Variants in SOCS2 observed in about 807,000 individuals in gnomAD.
The protein encoded by SOCS2 is CIS-2.
SOCS2 carries 10 observed loss-of-function variants against 18.6 expected under a neutral mutation model. That is an observed-to-expected ratio of 0.54 (90% CI 0.33 to 0.91). The LOEUF (loss-of-function observed/expected upper bound fraction) is 0.91, where lower values mean the gene tolerates loss of function less well. Among genes scored for constraint, SOCS2 ranks in the 40% least tolerant of loss-of-function variants. The probability of loss-of-function intolerance (pLI) is 0.02; values close to 1 mark genes in which losing one functional copy is unlikely to be tolerated. For synonymous variants in SOCS2, 104 were observed against 104.0 expected (o/e 1.00, Z 0.00); for missense variants, 231 against 247.2 (o/e 0.93, Z 0.44).
the SOCS2 span, among the ~76,000 whole-genome samples, chr12:93,597,768 A>G: frequency 6.6e-6 from 1 of 152,306 alleles, no homozygotes; most frequent in Admixed American, 6.5e-5. Context: ...TTGCTGATTT[A>G]TTTTAAGGCA....
chr12:93,591,335 C>T, the SOCS2 span, among the ~76,000 whole-genome samples: 6 of 150,424 alleles, frequency 4.0e-5, no homozygotes, highest in East Asian at 1.2e-3. Context: ...ATACAAGGAA[C>T]GGAAATGAAT....
the SOCS2 span, among the ~76,000 whole-genome samples, chr12:93,599,171 C>CTT: frequency 0.03 from 3,622 of 122,222 alleles, 284 homozygotes; most frequent in African/African-American, 0.088. Context: ...TGCTGTTTGT[C>CTT]TTTTTTTTTT....
downstream of SOCS2, among the ~76,000 whole-genome samples, chr12:93,579,783 A>AG (rs1954513435): frequency 6.6e-6 from 1 of 152,204 alleles, no homozygotes; most frequent in Non-Finnish European, 1.5e-5. Context: ...CATGGAGCAG[A>AG]GCTGGCTTTT....
the SOCS2 span, among the ~76,000 whole-genome samples, chr12:93,596,326 T>C: frequency 1.3e-5 from 2 of 152,352 alleles, no homozygotes; most frequent in Admixed American, 1.3e-4. Flanking sequence ...AAGGTTAAAG[T>C]AGAAAGGCAT....
Position 93,572,693 on chromosome 12 carries a change from T to TG in SOCS2, c.-202dup. 1 of 751,986 alleles carries TG rather than the reference T, an allele frequency of 1.3e-6. No individual in the cohort carries two copies. The highest frequency in any genetic ancestry group is 2.3e-6 in the Non-Finnish European group (1 of 431,634). The allele number at this position is 751,986 out of a possible 1,614,324, so 46.6% of individuals were successfully genotyped here. On this transcript the variant is annotated 5_prime_UTR_variant, in exon 1 of 2. Transcript: ENST00000551556. This position sits in a 1 kb window ranked among gnomAD's most constrained non-coding sequence, Gnocchi z 5.0. The stretch of plus-strand genomic sequence containing the variant: ...CCGCTTTCTCTTTGTAGGCGATCAG[T>TG]GGGTGACCGCGGCTGCGAGGGACTT...
downstream of SOCS2, chr12:93,583,621 T>C (rs1239973499): frequency 1.3e-5 from 2 of 152,158 alleles, no homozygotes; most frequent in African/African-American, 2.4e-5. Flanking sequence ...AGGTGCATCA[T>C]TGAGCCTGGG....
chr12:93,603,397 C>T, the SOCS2 span, among the ~76,000 whole-genome samples: 1 of 152,166 alleles, frequency 6.6e-6, no homozygotes, highest in African/African-American at 2.4e-5. Flanking sequence ...TGCCTCAAGT[C>T]ACACAGCCCT....
the SOCS2 span, among the ~76,000 whole-genome samples, chr12:93,608,215 G>T: frequency 6.6e-6 from 1 of 151,378 alleles, no homozygotes; most frequent in African/African-American, 2.4e-5. Flanking sequence ...TGGCCAGGCT[G>T]GTCTCGAACT....
At chr12:93,596,945 A>G in the SOCS2 span, among the ~76,000 whole-genome samples, 2 of 152,220 alleles carry the variant, frequency 1.3e-5, no homozygotes, top group Non-Finnish European at 2.9e-5. Context: ...CATCTGTAAA[A>G]TAGAAGTATT....
At chr12:93,573,717 G>A (rs1232662871) in intron 1 of SOCS2, 2 of 152,350 alleles carry the variant, frequency 1.3e-5, no homozygotes, top group Non-Finnish European at 2.9e-5. Flanking sequence ...GCTTACAGTT[G>A]TGGCACAGTT....
At chr12:93,596,656 C>G in the SOCS2 span, among the ~76,000 whole-genome samples, 2 of 152,134 alleles carry the variant, frequency 1.3e-5, no homozygotes, top group African/African-American at 4.8e-5. Flanking sequence ...GGCAAAACTC[C>G]GTCTCTACTA....
Position 93,575,198 on chromosome 12 carries a change from A to T in SOCS2, c.*19A>T. 1 of 1,497,074 alleles carries T rather than the reference A, an allele frequency of 6.7e-7. No individual in the cohort carries two copies. Among genetic ancestry groups the T allele is most frequent in the Non-Finnish European group, 8.9e-7 (1 of 1,117,452 alleles). 92.7% of individuals were successfully genotyped at this position (1,497,074 alleles called of 1,614,324 possible). On this transcript the variant is annotated 3_prime_UTR_variant, in exon 2 of 2. Transcript: ENST00000551556. ...GGTATAAATGTTTCTCTTTTTTTAA[A>T]CATGTCTCACATAGAGTATCTCCGA...
chr12:93,577,377 T>C (rs1455764083), downstream of SOCS2, among the ~76,000 whole-genome samples: 1 of 152,180 alleles, frequency 6.6e-6, no homozygotes, highest in Non-Finnish European at 1.5e-5. Context: ...ATTTATTGAG[T>C]TTATTGTGAA....
At chr12:93,604,093 G>C in the SOCS2 span, among the ~76,000 whole-genome samples, 1 of 151,994 alleles carries the variant, frequency 6.6e-6, no homozygotes, top group African/African-American at 2.4e-5. Context: ...TTGCGGTGTT[G>C]GCCTCTTCCT....
At chr12:93,605,872 T>G in the SOCS2 span, among the ~76,000 whole-genome samples, 1 of 152,256 alleles carries the variant, frequency 6.6e-6, no homozygotes, top group Non-Finnish European at 1.5e-5. Flanking sequence ...TTCTTTATAA[T>G]GTGTCTGTCA....
At chr12:93,605,317 C>T in the SOCS2 span, among the ~76,000 whole-genome samples, 5 of 152,050 alleles carry the variant, frequency 3.3e-5, no homozygotes, top group African/African-American at 1.2e-4. Context: ...CCAAAGTCTA[C>T]TATGTATTGC....
chr12:93,611,864 A>AT, the SOCS2 span, among the ~76,000 whole-genome samples: 1,051 of 150,090 alleles, frequency 7.0e-3, 15 homozygotes, highest in African/African-American at 0.024. Context: ...GTTTATATTG[A>AT]TTTTTTTTTT....
At chr12:93,616,743 G>A in the SOCS2 span, among the ~76,000 whole-genome samples, 17 of 152,200 alleles carry the variant, frequency 1.1e-4, no homozygotes, top group Non-Finnish European at 5.9e-5. Flanking sequence ...AGGCCATGGG[G>A]TAATGAAAGG....
chr12:93,621,090 G>T, the SOCS2 span, among the ~76,000 whole-genome samples: 1 of 152,176 alleles, frequency 6.6e-6, no homozygotes, highest in African/African-American at 2.4e-5. Context: ...TGGCGACCAA[G>T]AGCTGAGCAT....
Sources: allele counts gnomAD v4.1 joint callset (sites outside exome capture counted in the v4.1 genomes callset), GRCh38; gene constraint gnomAD v4.1.1; non-coding constraint Gnocchi (gnomAD v3.1); transcripts MANE v1.5; gene names NCBI Gene and HGNC (gene_info 2026-07-23, HGNC 2026-07-21).